The following KCNMA1 variants were observed in gnomAD, a reference collection of about 807,000 sequenced individuals.
KCNMA1 encodes Calcium-activated potassium channel subunit alpha-1.
A neutral mutation model predicts 140.0 loss-of-function variants in KCNMA1; 29 were observed. That is an observed-to-expected ratio of 0.21 (90% confidence interval 0.15 to 0.28). The LOEUF is 0.28. Ranked by LOEUF, KCNMA1 falls within the 10% of genes least tolerant of loss-of-function variation. The probability of loss-of-function intolerance (pLI) is 1.00; values close to 1 mark genes in which losing one functional copy is unlikely to be tolerated. For missense variants in KCNMA1, 880 were observed against 1,602.2 expected (o/e 0.55, Z 7.70); for synonymous variants, 612 against 611.9 (o/e 1.00, Z 0.00).
At chr10:77,136,457 G>A (rs1477003526) in intron 5 of KCNMA1, among the ~76,000 whole-genome samples, 1 of 152,070 alleles carries the variant, frequency 6.6e-6, no homozygotes, top group African/African-American at 2.4e-5. Context: ...AGATCAAAAA[G>A]TACTGGAGCT....
intron 20 of KCNMA1, among the ~76,000 whole-genome samples, chr10:76,958,548 T>A (rs2153035753): frequency 6.6e-6 from 1 of 152,318 alleles, no homozygotes; most frequent in African/African-American, 2.4e-5. Flanking sequence ...TGTGACTGTA[T>A]TTTGAAATAT....
intron 1 of KCNMA1, among the ~76,000 whole-genome samples, chr10:77,440,839 G>A (rs2097381028): frequency 6.6e-6 from 1 of 152,162 alleles, no homozygotes; most frequent in Non-Finnish European, 1.5e-5. Context: ...TTGTTTTTGA[G>A]ACAGAGTCTC....
At chr10:76,945,806 T>TA (rs34276840) in intron 22 of KCNMA1, among the ~76,000 whole-genome samples, 51 of 149,804 alleles carry the variant, frequency 3.4e-4, no homozygotes, top group East Asian at 2.8e-3. Flanking sequence ...TTCATTTATG[T>TA]AAAAAAAAAA....
At chr10:77,263,714 G>C (rs1384710234) in intron 2 of KCNMA1, among the ~76,000 whole-genome samples, 1 of 152,152 alleles carries the variant, frequency 6.6e-6, no homozygotes, top group Admixed American at 6.5e-5. Context: ...ATTGCTAAAT[G>C]ACCATTCAGC....
At chr10:77,460,496 T>C (rs2097845880) in intron 1 of KCNMA1, among the ~76,000 whole-genome samples, 4 of 151,844 alleles carry the variant, frequency 2.6e-5, no homozygotes, top group Admixed American at 2.6e-4. Flanking sequence ...TGTCCATCAA[T>C]GGATGGCTGG....
chr10:77,635,331 C>T (rs1166154064), intron 1 of KCNMA1: 4 of 152,112 alleles, frequency 2.6e-5, no homozygotes, highest in East Asian at 1.9e-4. Context: ...CACAAAAACA[C>T]CACAACTTAT....
intron 25 of KCNMA1, among the ~76,000 whole-genome samples, chr10:76,892,954 T>C (rs2040839144): frequency 6.6e-6 from 1 of 152,198 alleles, no homozygotes; most frequent in Admixed American, 6.5e-5. Flanking sequence ...AATTTAGGAA[T>C]GTTATCCATA....
At chr10:77,246,843 G>T (rs2058647008) in intron 3 of KCNMA1, among the ~76,000 whole-genome samples, 1 of 152,160 alleles carries the variant, frequency 6.6e-6, no homozygotes, top group African/African-American at 2.4e-5. Flanking sequence ...TGGATGAGAT[G>T]CTCTACAAAA....
chr10:77,407,128 T>C (rs2096494251), intron 1 of KCNMA1, among the ~76,000 whole-genome samples: 1 of 152,242 alleles, frequency 6.6e-6, no homozygotes, highest in Non-Finnish European at 1.5e-5. Context: ...GATAATGCCC[T>C]TGTTATTATT....
intron 20 of KCNMA1, among the ~76,000 whole-genome samples, chr10:76,962,023 T>A (rs2071707508): frequency 1.3e-5 from 2 of 152,186 alleles, no homozygotes; most frequent in South Asian, 2.1e-4. Context: ...CATCAATTAA[T>A]CTCAGGAAGT....
Position 77,461,513 on chromosome 10 carries a change from T to C in KCNMA1, c.379-57490A>G, listed in dbSNP as rs147698823. Reference sequence around the variant, plus strand: ...CCAGACATGGATGTGTCTTGATTCATGATTCAGTACAGTCTTGGGCTTAAG... The same window carrying C: ...CCAGACATGGATGTGTCTTGATTCACGATTCAGTACAGTCTTGGGCTTAAG... On this transcript the variant is annotated intron_variant, in intron 1 of 27. Transcript: ENST00000286628. Among the ~76,000 whole-genome samples, 240 of 152,306 alleles carry C rather than the reference T, an allele frequency of 1.6e-3. 1 individual carries two copies. The highest frequency in any genetic ancestry group is 2.7e-3 in the Non-Finnish European group (182 of 68,020).
chr10:76,872,954 T>G (rs1463758653), downstream of KCNMA1: 2 of 152,138 alleles, frequency 1.3e-5, no homozygotes, highest in African/African-American at 4.8e-5. Context: ...ATAGGGAGTC[T>G]CAGGTCCTTT....
At chr10:77,481,961 C>A (rs1400421023) in intron 1 of KCNMA1, among the ~76,000 whole-genome samples, 1 of 152,126 alleles carries the variant, frequency 6.6e-6, no homozygotes, top group Non-Finnish European at 1.5e-5. Context: ...AAACATGAAC[C>A]AAATGGTTCT....
intron 1 of KCNMA1, 35 bp from the exon 2 acceptor site, chr10:77,404,058 G>A (rs2096377932): frequency 1.2e-6 from 2 of 1,608,640 alleles, no homozygotes; most frequent in Admixed American, 1.7e-5. Context: ...AAGACATAGG[G>A]AACAATGGAT....
intron 1 of KCNMA1, among the ~76,000 whole-genome samples, chr10:77,415,095 T>C (rs568401190): frequency 2.6e-5 from 4 of 151,814 alleles, no homozygotes; most frequent in Admixed American, 2.6e-4. Context: ...GGACAGAGAG[T>C]TGGAGAAATG....
At chr10:76,994,726 G>A (rs1379891232) in intron 19 of KCNMA1, among the ~76,000 whole-genome samples, 1 of 152,172 alleles carries the variant, frequency 6.6e-6, no homozygotes, top group East Asian at 1.9e-4. Context: ...GCTGCTCTGT[G>A]CTTGCAGCTT....
chr10:77,408,074 G>A (rs1428663885), intron 1 of KCNMA1, among the ~76,000 whole-genome samples: 1 of 152,124 alleles, frequency 6.6e-6, no homozygotes, highest in Non-Finnish European at 1.5e-5. Context: ...CGCACAGGGT[G>A]GACCCCAGAC....
chr10:77,198,568 G>GATAGATATAT (rs1554968746), intron 3 of KCNMA1, among the ~76,000 whole-genome samples: 3 of 138,428 alleles, frequency 2.2e-5, no homozygotes, highest in Admixed American at 7.3e-5. Flanking sequence ...ATATATATGT[G>GATAGATATAT]ATATATATAT....
intron 2 of KCNMA1, among the ~76,000 whole-genome samples, chr10:77,287,403 C>A (rs891805881): frequency 5.9e-5 from 9 of 152,178 alleles, no homozygotes; most frequent in African/African-American, 2.2e-4. Flanking sequence ...GCAAATTCCT[C>A]CTCTCCTTCC....
Sources: gnomAD v4.1 joint callset for allele counts (sites outside exome capture counted in the v4.1 genomes callset) on GRCh38, gnomAD v4.1.1 for gene constraint, MANE v1.5 for transcripts, NCBI Gene and HGNC (gene_info 2026-07-23, HGNC 2026-07-21) for gene names.